DMXL1: variants seen among roughly 807,000 people sequenced by gnomAD.
DMXL1 encodes Dmx like 1, also known as dmX-like protein 1.
A neutral mutation model predicts 319.2 loss-of-function variants in DMXL1; 99 were observed. That is an observed-to-expected ratio of 0.31 (90% confidence interval 0.26 to 0.37). The LOEUF is 0.37. Ranked by LOEUF, DMXL1 falls within the 10% of genes least tolerant of loss-of-function variation. The pLI, the probability that DMXL1 is intolerant of heterozygous loss-of-function variation, is 1.00. For synonymous variants in DMXL1, 1,385 were observed against 1,235.2 expected (o/e 1.12, Z -2.54); for missense variants, 3,745 against 3,595.6 (o/e 1.04, Z -1.06).
At chr5:119,172,067 A>T (rs1007450538) in intron 25 of DMXL1, 98 bp downstream of exon 25, 2 of 1,136,084 alleles carry the variant, frequency 1.8e-6, no homozygotes, top group Admixed American at 5.2e-5. Flanking sequence ...TAAACATCAG[A>T]CTAAGCATAG....
rs990758853 is a variant in DMXL1 at position 119,167,849 on chromosome 5, A to G, written c.5383A>G (p.Ile1795Val). ...TCTGGAAACATTAATAAAGCAACCT[A>G]TCAGAGAGAATGATGGTAAGCTGCA... The part of the protein sequence containing the change: ...GALETLIKQP[I>V]RENDDQVLSA... The change falls in exon 23 of 44, where the codon ATC becomes GTC. Residue 1795 changes from isoleucine to valine, a missense_variant. Around this residue, in one of 4 missense-constraint regions of DMXL1, gnomAD observed 1,382 missense variants for 1,269.5 expected, o/e 1.09. Coordinates refer to ENST00000539542, the MANE Select transcript of DMXL1 (RefSeq NM_001290321.3). 3.7e-5 allele frequency: 60 copies of G among 1,611,568 alleles called. No homozygotes were observed. The highest frequency in any genetic ancestry group is 5.0e-5 in the Admixed American group (3 of 59,478).
intron 35 of DMXL1, among the ~76,000 whole-genome samples, chr5:119,219,755 A>C (rs1017486167): frequency 6.6e-6 from 1 of 151,844 alleles, no homozygotes; most frequent in Admixed American, 6.6e-5. Context: ...TTTTGTAGAG[A>C]CAGTGTTTTG....
intron 33 of DMXL1, among the ~76,000 whole-genome samples, chr5:119,203,807 T>TTTTATTTA (rs751148357): frequency 6.6e-6 from 1 of 151,988 alleles, no homozygotes; most frequent in Admixed American, 6.6e-5. Flanking sequence ...ACTGAAAATT[T>TTTTATTTA]TTTATTTATT....
intron 4 of DMXL1, among the ~76,000 whole-genome samples, chr5:119,108,368 C>T (rs1266825356): frequency 6.6e-6 from 1 of 152,066 alleles, no homozygotes; most frequent in Non-Finnish European, 1.5e-5. Flanking sequence ...TGGAATCTGT[C>T]CTTTAACCCT....
Position 119,182,443 on chromosome 5 carries a change from A to G in DMXL1, c.7135+4199A>G, listed in dbSNP as rs146994416. Among the ~76,000 whole-genome samples the G allele has an allele frequency of 4.2e-3, 644 of 152,312 alleles. 12 individuals are homozygous for G. The highest frequency in any genetic ancestry group is 0.034 in the South Asian group (166 of 4,830). ...TAAACATGTTTTCTAAAAGTGTTCC[A>G]TAAGTTTAGGTACTGTATTATGAGA... On this transcript the variant is annotated intron_variant, in intron 28 of 43. Transcript: ENST00000539542.
chr5:119,213,901 CACTT>C (rs961563042), intron 34 of DMXL1, among the ~76,000 whole-genome samples: 2 of 152,164 alleles, frequency 1.3e-5, no homozygotes, highest in African/African-American at 4.8e-5. Context: ...ATTGTTTCCT[CACTT>C]AGTTTCCATA....
Position 119,152,046 on chromosome 5 carries a change from A to G in DMXL1, c.4702+10A>G. On this transcript the variant is annotated intron_variant, in intron 19 of 43. Transcript: ENST00000539542. ...CAACTCCTTCACCAAGGTGATTTTG[A>G]TAGTAATCTATTAAAGGGAAATAAA... 2 of 1,572,224 alleles carry G rather than the reference A, an allele frequency of 1.3e-6. No individual in the cohort carries two copies. Among genetic ancestry groups the G allele is most frequent in the Non-Finnish European group, 1.7e-6 (2 of 1,143,484 alleles).
At chr5:119,074,498 G>A (rs962877861) in intron 1 of DMXL1, among the ~76,000 whole-genome samples, 3 of 152,166 alleles carry the variant, frequency 2.0e-5, no homozygotes, top group Non-Finnish European at 4.4e-5. Flanking sequence ...CAAGATGTGA[G>A]ATCTTGTTTT....
intron 26 of DMXL1, among the ~76,000 whole-genome samples, chr5:119,175,966 A>T (rs1029097094): frequency 6.6e-6 from 1 of 151,934 alleles, no homozygotes; most frequent in African/African-American, 2.4e-5. Flanking sequence ...TATCTTTCCT[A>T]TTAAACAGAT....
At position 119,071,271 on chromosome 5, in the gene DMXL1, G is replaced by A; in HGVS notation, c.-299G>A. The A allele has an allele frequency of 2.5e-6, 1 of 397,700 alleles. No individual in the cohort carries two copies. The highest frequency in any genetic ancestry group is 4.6e-6 in the Non-Finnish European group (1 of 218,500). The allele number at this position is 397,700 out of a possible 1,614,324, so 24.6% of individuals were successfully genotyped here. ...CCTTCCTGGCCGGTGAGTCGGCCCC[G>A]GGTCGTGGCCGGTGAGGGGACCCTG... On this transcript the variant is annotated 5_prime_UTR_variant, in exon 1 of 44. Transcript: ENST00000539542.
intron 1 of DMXL1, among the ~76,000 whole-genome samples, chr5:119,088,037 G>C (rs1753764345): frequency 6.6e-6 from 1 of 152,060 alleles, no homozygotes; most frequent in Admixed American, 6.6e-5. Context: ...CCTGACTTCA[G>C]GTGATCTGCC....
rs34274210 is a variant in DMXL1 at position 119,071,782 on chromosome 5, A to G, written c.87+126A>G. On this transcript the variant is annotated intron_variant, in intron 1 of 43. Coordinates refer to ENST00000539542, the MANE Select transcript of DMXL1 (RefSeq NM_001290321.3). ...CTCCCCAGGGGGGTCCTTACCACCC[A>G]GAACCCAGCAGACCTGGCCCTTGAG... The G allele has an allele frequency of 3.2e-3, 2,494 of 771,130 alleles. 8 individuals are homozygous for G. The highest frequency in any genetic ancestry group is 3.8e-3 in the Non-Finnish European group (1,903 of 495,518). 47.8% of individuals were successfully genotyped at this position (771,130 alleles called of 1,614,324 possible). A position where few individuals can be genotyped will look rare whatever the true frequency, so the allele number is the denominator to read the frequency against.
intron 1 of DMXL1, among the ~76,000 whole-genome samples, chr5:119,074,201 G>C (rs911624165): frequency 6.6e-6 from 1 of 152,240 alleles, no homozygotes; most frequent in Non-Finnish European, 1.5e-5. Context: ...TTACAGGCGG[G>C]AGCCACTGCA....
At chr5:119,109,572 C>T (rs1759125818) in intron 4 of DMXL1, among the ~76,000 whole-genome samples, 1 of 152,142 alleles carries the variant, frequency 6.6e-6, no homozygotes, top group African/African-American at 2.4e-5. Context: ...GTACGTTATT[C>T]GTTAACCTAT....
At chr5:119,145,546 A>G (rs952209808) in intron 15 of DMXL1, among the ~76,000 whole-genome samples, 5 of 151,762 alleles carry the variant, frequency 3.3e-5, no homozygotes, top group Admixed American at 2.0e-4. Flanking sequence ...AAACAAAACT[A>G]TCCTTTTCAT....
Position 119,221,223 on chromosome 5 carries a change from A to G in DMXL1, c.8277+142A>G, listed in dbSNP as rs1784591760. On this transcript the variant is annotated intron_variant, in intron 37 of 43. Coordinates refer to ENST00000539542, the MANE Select transcript of DMXL1 (RefSeq NM_001290321.3). ...TACATGTTGGAAATTGTAAATTTTGATAATGAAGACTAGTATGTTTTCATT... is the reference window on the plus strand; with the variant it reads ...TACATGTTGGAAATTGTAAATTTTGGTAATGAAGACTAGTATGTTTTCATT... 5.2e-6 allele frequency: 3 copies of G among 572,636 alleles called. No individual in the cohort carries two copies. The Admixed American group carries it at 1.0e-4, about 19-fold the overall frequency. 35.5% of individuals were successfully genotyped at this position (572,636 alleles called of 1,614,324 possible). A position where few individuals can be genotyped will look rare whatever the true frequency, so the allele number is the denominator to read the frequency against.
intron 2 of DMXL1, chr5:119,100,796 T>TG: frequency 7.0e-6 from 1 of 143,848 alleles, no homozygotes; most frequent in Non-Finnish European, 1.5e-5. Flanking sequence ...TTTTTTTTTT[T>TG]TGAGACGGAG....
At chr5:119,123,304 A>C (rs1233900636) in intron 9 of DMXL1, among the ~76,000 whole-genome samples, 2 of 144,856 alleles carry the variant, frequency 1.4e-5, no homozygotes, top group Non-Finnish European at 3.0e-5. Context: ...AAAGAGGGAG[A>C]GGGGAGACCG....
chr5:119,123,607 A>G (rs886336239), intron 9 of DMXL1, among the ~76,000 whole-genome samples: 52 of 152,258 alleles, frequency 3.4e-4, no homozygotes, highest in African/African-American at 1.1e-3. Context: ...AAAAATTGAT[A>G]TTTGAACTGT....
Sources: gnomAD v4.1 joint callset for allele counts (sites outside exome capture counted in the v4.1 genomes callset) on GRCh38, gnomAD v4.1.1 for gene constraint, gnomAD v4.1.1 regional missense constraint, MANE v1.5 for transcripts, NCBI Gene and HGNC (gene_info 2026-07-23, HGNC 2026-07-21) for gene names.